Variants in DAAM1 observed in about 807,000 individuals in gnomAD.
The protein encoded by DAAM1 is disheveled-associated activator of morphogenesis 1.
A neutral mutation model predicts 130.0 loss-of-function variants in DAAM1; 52 were observed. That is an observed-to-expected ratio of 0.40 (90% CI 0.32 to 0.50). DAAM1 has a LOEUF of 0.50. DAAM1 is among the 20% of genes least tolerant of loss of function. The probability of loss-of-function intolerance (pLI) is 0.61; values close to 1 mark genes in which losing one functional copy is unlikely to be tolerated. For missense variants in DAAM1, 1,134 were observed against 1,303.8 expected (o/e 0.87, Z 2.01); for synonymous variants, 452 against 444.5 (o/e 1.02, Z -0.21).
chr14:59,307,849 G>A (rs995000308), intron 3 of DAAM1, among the ~76,000 whole-genome samples: 11 of 152,172 alleles, frequency 7.2e-5, no homozygotes, highest in Non-Finnish European at 1.3e-4. Flanking sequence ...CAGCTGGCGA[G>A]TCGAGGTCCT....
At chr14:59,226,222 T>C (rs145749851) in intron 1 of DAAM1, among the ~76,000 whole-genome samples, 1 of 152,348 alleles carries the variant, frequency 6.6e-6, no homozygotes, top group African/African-American at 2.4e-5. Context: ...TTCCTTAGTA[T>C]ATTGCTCTGT....
intron 2 of DAAM1, among the ~76,000 whole-genome samples, chr14:59,270,793 G>T (rs1882677074): frequency 1.3e-5 from 2 of 152,076 alleles, no homozygotes; most frequent in South Asian, 4.1e-4. Flanking sequence ...TTGGAACTGG[G>T]GTGTCTTTCT....
intron 1 of DAAM1, among the ~76,000 whole-genome samples, chr14:59,199,761 CTGGATAATTA>C (rs984131591): frequency 2.0e-5 from 3 of 152,254 alleles, no homozygotes; most frequent in Admixed American, 1.3e-4. Context: ...AAATTTGAAA[CTGGATAATTA>C]TTTGTTGTGA....
intron 1 of DAAM1, among the ~76,000 whole-genome samples, chr14:59,255,328 C>T (rs1396266061): frequency 1.3e-5 from 2 of 152,018 alleles, no homozygotes; most frequent in Admixed American, 6.6e-5. Flanking sequence ...TTGAAACCTG[C>T]GGGGAACACA....
rs1440969954 is a variant in DAAM1, at chr14:59,359,452, G to A, written c.2581G>A (p.Val861Ile). 3 of 1,613,798 alleles carry A rather than the reference G, an allele frequency of 1.9e-6. No individual in the cohort carries two copies. The African/African-American group carries it at 4.0e-5, about 22-fold the overall frequency. ...TATTGTGGAAAATAAGTACCCCAGT[G>A]TTCTCAATCTAAATGAAGAATTGCG... ...ITIVENKYPS[V>I]LNLNEELRDI... The change falls in exon 21 of 25, where the codon GTT becomes ATT. Residue 861 changes from valine (V) to isoleucine (I), a missense_variant. Val to Ile is a conservative substitution (Grantham distance 29, BLOSUM62 3). Transcript: ENST00000360909.
chr14:59,300,881 TTTTCAG>T (rs1358049598), intron 3 of DAAM1, among the ~76,000 whole-genome samples: 1 of 152,222 alleles, frequency 6.6e-6, no homozygotes, highest in Non-Finnish European at 1.5e-5. Flanking sequence ...ACCATGCTTA[TTTTCAG>T]TTTTTCTTAC....
intron 12 of DAAM1, 104 bp from the exon 13 acceptor site, chr14:59,330,397 A>G (rs941883): frequency 0.63 from 634,968 of 1,007,774 alleles, 202,547 homozygotes; most frequent in East Asian, 0.82. Context: ...CCTAATAAAG[A>G]TCCTCATAAT....
intron 1 of DAAM1, among the ~76,000 whole-genome samples, chr14:59,243,500 T>C (rs990905564): frequency 6.6e-5 from 10 of 152,142 alleles, no homozygotes; most frequent in Admixed American, 6.5e-5. Context: ...GAGCCCCACA[T>C]CCATGTGCAG....
intron 3 of DAAM1, among the ~76,000 whole-genome samples, chr14:59,310,816 A>G (rs1435779991): frequency 6.6e-6 from 1 of 152,204 alleles, no homozygotes; most frequent in African/African-American, 2.4e-5. Context: ...AACAGCACAC[A>G]TAGAGATTTA....
intron 2 of DAAM1, among the ~76,000 whole-genome samples, chr14:59,272,189 G>C (rs1882740705): frequency 6.6e-6 from 1 of 152,150 alleles, no homozygotes; most frequent in African/African-American, 2.4e-5. Flanking sequence ...ATTAAAAGTT[G>C]GTTTTATTTG....
chr14:59,263,569 G>A lies in DAAM1; in HGVS notation c.92G>A (p.Arg31Gln), dbSNP rs766173968. The A allele has an allele frequency of 2.4e-5, 38 of 1,614,012 alleles. No homozygotes were observed. Among genetic ancestry groups the A allele is most frequent in the Non-Finnish European group, 2.8e-5 (33 of 1,180,020 alleles). The change falls in exon 2 of 25, where the codon CGA becomes CAA. Residue 31 changes from arginine (R) to glutamine (Q), a missense_variant. Coordinates refer to ENST00000360909, the MANE Select transcript of DAAM1 (RefSeq NM_001270520.2). Reference protein sequence around the residue: ...NDHPEITYRLRNDSNFALQTM... With the variant: ...NDHPEITYRLQNDSNFALQTM... Reference sequence around the variant, plus strand: ...CACCCAGAAATCACGTATCGGCTGCGAAATGATAGCAACTTTGCGCTTCAG... The same window carrying A: ...CACCCAGAAATCACGTATCGGCTGCAAAATGATAGCAACTTTGCGCTTCAG...
chr14:59,318,007 T>G (rs1256198131), intron 4 of DAAM1, among the ~76,000 whole-genome samples: 1 of 152,198 alleles, frequency 6.6e-6, no homozygotes, highest in African/African-American at 2.4e-5. Flanking sequence ...TACTAGTCTG[T>G]GAAGCCAGCC....
intron 20 of DAAM1, among the ~76,000 whole-genome samples, chr14:59,356,530 C>A (rs1471027339): frequency 6.6e-6 from 1 of 152,228 alleles, no homozygotes; most frequent in African/African-American, 2.4e-5. Flanking sequence ...GCTCATTCAG[C>A]TTGCCTATGG....
At position 59,370,157 on chromosome 14, in the gene DAAM1, T is replaced by A. The variant is rs1325878674; in HGVS notation, c.*1298T>A. On this transcript the variant is annotated 3_prime_UTR_variant, in exon 25 of 25. Coordinates refer to ENST00000360909, the MANE Select transcript of DAAM1 (RefSeq NM_001270520.2). Reference sequence around the variant, plus strand: ...GTTACTTTTTTACTTTTTTTTTTTTTTTTTTTTTTTTTTGGCTTTGCTTTA... The same window carrying A: ...GTTACTTTTTTACTTTTTTTTTTTTATTTTTTTTTTTTTGGCTTTGCTTTA... 6.7e-6 allele frequency: 1 copy of A among 149,104 alleles called. No homozygotes were observed. Among genetic ancestry groups the A allele is most frequent in the African/African-American group, 2.4e-5 (1 of 40,852 alleles). The allele number at this position is 149,104 out of a possible 1,614,324, so 9.2% of individuals were successfully genotyped here. A position where few individuals can be genotyped will look rare whatever the true frequency, so the allele number is the denominator to read the frequency against.
intron 3 of DAAM1, among the ~76,000 whole-genome samples, chr14:59,297,600 C>A (rs1279906999): frequency 6.6e-6 from 1 of 152,060 alleles, no homozygotes; most frequent in Non-Finnish European, 1.5e-5. Flanking sequence ...TAGTCTCCTC[C>A]CCTCCCTCCG....
rs1414788586 is a variant in DAAM1, at chr14:59,324,470, A to G, written c.989+16A>G. 2.7e-6 allele frequency: 4 copies of G among 1,504,802 alleles called. No individual in the cohort carries two copies. Among genetic ancestry groups the G allele is most frequent in the South Asian group, 1.4e-5 (1 of 71,858 alleles). 93.2% of individuals were successfully genotyped at this position (1,504,802 alleles called of 1,614,324 possible). ...CATTAGATAGGTAAGTCAGACTATTATGATGTGAGAAAGTTTCTGTGTTTC... is the reference window on the plus strand; with the variant it reads ...CATTAGATAGGTAAGTCAGACTATTGTGATGTGAGAAAGTTTCTGTGTTTC... On this transcript the variant is annotated intron_variant, in intron 8 of 24. Coordinates refer to ENST00000360909, the MANE Select transcript of DAAM1 (RefSeq NM_001270520.2).
chr14:59,334,749 G>A (rs924585555), intron 15 of DAAM1, among the ~76,000 whole-genome samples: 7 of 152,172 alleles, frequency 4.6e-5, no homozygotes, highest in African/African-American at 1.7e-4. Flanking sequence ...CAGTTGATGT[G>A]AGGAATCATT....
chr14:59,322,213 C>T lies in DAAM1; in HGVS notation c.441-679C>T, dbSNP rs112784523. Among the ~76,000 whole-genome samples, 51 of 152,196 alleles carry T rather than the reference C, an allele frequency of 3.4e-4. 1 individual carries two copies. The highest frequency in any genetic ancestry group is 1.2e-3 in the African/African-American group (50 of 41,542). ...TGATCAGCACTTAAAAGTGCGTCAG[C>T]AATCAACATATAAAAGCGCATGGGC... On this transcript the variant is annotated intron_variant, in intron 5 of 24. Coordinates refer to ENST00000360909, the MANE Select transcript of DAAM1 (RefSeq NM_001270520.2).
rs191564201 is a variant in DAAM1, at chr14:59,369,496, A to C, written c.*637A>C. On this transcript the variant is annotated 3_prime_UTR_variant, in exon 25 of 25. Coordinates refer to ENST00000360909, the MANE Select transcript of DAAM1 (RefSeq NM_001270520.2). ...CACAATTTGAATTATGTAGAATGTC[A>C]ATCAAGTTTTTGTATATTTAAAAGT... 1 of 152,658 alleles carries C rather than the reference A, an allele frequency of 6.6e-6. No individual in the cohort carries two copies. The highest frequency in any genetic ancestry group is 1.5e-5 in the Non-Finnish European group (1 of 67,986). 9.5% of individuals were successfully genotyped at this position (152,658 alleles called of 1,614,324 possible).
Sources: gnomAD v4.1 joint callset for allele counts (sites outside exome capture counted in the v4.1 genomes callset) on GRCh38, gnomAD v4.1.1 for gene constraint, MANE v1.5 for transcripts, NCBI Gene and HGNC (gene_info 2026-07-23, HGNC 2026-07-21) for gene names.